Variants in SLF1 observed in about 807,000 individuals in gnomAD.
SLF1 encodes SMC5/6 complex localization factor 1.
A neutral mutation model predicts 123.0 loss-of-function variants in SLF1; 105 were observed. That is an observed-to-expected ratio of 0.85 (90% CI 0.73 to 1.00). The LOEUF (loss-of-function observed/expected upper bound fraction) is 1.00, where lower values mean the gene tolerates loss of function less well. Among genes scored for constraint, SLF1 ranks in the 50% least tolerant of loss-of-function variants. The pLI, the probability that SLF1 is intolerant of heterozygous loss-of-function variation, is 0.00. For synonymous variants in SLF1, 434 were observed against 406.6 expected, an observed-to-expected ratio of 1.07 and a Z score of -0.81; for missense variants, 1,239 against 1,223.0, an observed-to-expected ratio of 1.01 and a Z score of -0.20.
intron 8 of SLF1, 76 bp downstream of exon 8, chr5:94,653,497 G>A: frequency 8.1e-7 from 1 of 1,239,022 alleles, no homozygotes; most frequent in Non-Finnish European, 1.1e-6. Flanking sequence ...GATATATAAT[G>A]CTACATGTTT....
intron 4 of SLF1, among the ~76,000 whole-genome samples, chr5:94,638,050 A>T (rs1746013888): frequency 6.6e-6 from 1 of 152,142 alleles, no homozygotes; most frequent in Non-Finnish European, 1.5e-5. Flanking sequence ...ATAGCTTTGC[A>T]GGTGCTGTGC....
At chr5:94,691,028 C>A (rs529851626) in intron 18 of SLF1, among the ~76,000 whole-genome samples, 1 of 152,012 alleles carries the variant, frequency 6.6e-6, no homozygotes, top group African/African-American at 2.4e-5. Context: ...TATTGAGAAG[C>A]AGCAAACCAT....
intron 1 of SLF1, among the ~76,000 whole-genome samples, chr5:94,623,937 A>G (rs1042996295): frequency 6.6e-6 from 1 of 152,180 alleles, no homozygotes; most frequent in African/African-American, 2.4e-5. Context: ...TAGATCCTGT[A>G]ATACAGGTCA....
intron 5 of SLF1, 150 bp from the exon 6 acceptor site, chr5:94,649,304 C>G (rs1173211187): frequency 1.9e-6 from 1 of 520,618 alleles, no homozygotes; most frequent in African/African-American, 2.0e-5. Context: ...AGATTTTTAT[C>G]AGTGTTTAAC....
At chr5:94,631,970 C>CTTT (rs1021934536) in intron 4 of SLF1, among the ~76,000 whole-genome samples, 36 of 108,766 alleles carry the variant, frequency 3.3e-4, no homozygotes, top group South Asian at 1.3e-3. Context: ...TTTTTTCTTT[C>CTTT]TTTTTTTTTT....
At position 94,651,762 on chromosome 5, in the gene SLF1, AAAG is replaced by A; in HGVS notation, c.802_804del (p.Glu268del). ...TTCTATTTTGATTCAACATCACAAA[AAAG>A]AAAAATTCAGTGGTTCCAGTAAAGA... On this transcript the variant is annotated inframe_deletion, in exon 7 of 21. Transcript: ENST00000265140. 1 of 1,534,162 alleles carries A rather than the reference AAAG, an allele frequency of 6.5e-7. No homozygotes were observed. Among genetic ancestry groups the A allele is most frequent in the Non-Finnish European group, 8.8e-7 (1 of 1,138,432 alleles).
chr5:94,686,711 A>G lies in SLF1; in HGVS notation c.2114A>G (p.Gln705Arg), dbSNP rs374157442. Reference protein sequence around the residue: ...GSVSSEPLSLQKMVYSYLPAL... With the variant: ...GSVSSEPLSLRKMVYSYLPAL... ...GTTTCTTCTGAGCCACTCTCTCTTC[A>G]GAAAATGGTAAGTACCTCTCTATTC... Residue 705 changes from glutamine to arginine, a missense_variant, in exon 16 of 21, where the codon CAG becomes CGG. Coordinates refer to ENST00000265140, the MANE Select transcript of SLF1 (RefSeq NM_032290.4). The G allele has an allele frequency of 1.5e-5, 25 of 1,613,770 alleles. No homozygotes were observed. The African/African-American group carries it at 2.5e-4, about 16-fold the overall frequency.
rs745356130 is a variant in SLF1, at chr5:94,670,217, C to T, written c.1599C>T (p.His533=). 8 of 1,522,086 alleles carry T rather than the reference C, an allele frequency of 5.3e-6. No individual in the cohort carries two copies. The South Asian group carries it at 7.7e-5, about 15-fold the overall frequency. The allele number at this position is 1,522,086 out of a possible 1,614,324, so 94.3% of individuals were successfully genotyped here. The change falls in exon 13 of 21, where the codon CAC becomes CAT. Residue 533 remains histidine, a synonymous_variant. Transcript: ENST00000265140. ...ISENIGSKVL[H]LTLLKFFFNL... ...AAAATATTGGCTCCAAGGTGCTCCA[C>T]CTGACGCTACTCAAATTTTTCTTTA...
intron 16 of SLF1, among the ~76,000 whole-genome samples, chr5:94,687,477 C>T (rs1752571232): frequency 6.6e-6 from 1 of 152,012 alleles, no homozygotes; most frequent in Admixed American, 6.5e-5. Flanking sequence ...CAGGAGGATC[C>T]CTTGAGCCCA....
chr5:94,621,800 C>T (rs900009766), intron 1 of SLF1, among the ~76,000 whole-genome samples: 1 of 152,072 alleles, frequency 6.6e-6, no homozygotes, highest in African/African-American at 2.4e-5. Flanking sequence ...CTAATTACTG[C>T]TTCTTTCCCA....
chr5:94,672,582 GT>G (rs2152490899), intron 14 of SLF1, among the ~76,000 whole-genome samples: 1 of 151,064 alleles, frequency 6.6e-6, no homozygotes, highest in South Asian at 2.1e-4. Flanking sequence ...TAGTTCATTA[GT>G]TCTTTCTTCA....
At chr5:94,658,655 T>C (rs927595777) in intron 9 of SLF1, among the ~76,000 whole-genome samples, 4 of 152,184 alleles carry the variant, frequency 2.6e-5, no homozygotes, top group Non-Finnish European at 5.9e-5. Context: ...CCTTTGAGAA[T>C]TGAATCTATT....
chr5:94,644,222 T>G (rs142770224), intron 5 of SLF1, among the ~76,000 whole-genome samples: 22 of 152,288 alleles, frequency 1.4e-4, no homozygotes, highest in African/African-American at 5.3e-4. Context: ...TCCTCAGCAC[T>G]CCTGGAATAG....
At chr5:94,688,034 A>G (rs1169781271) in intron 16 of SLF1, among the ~76,000 whole-genome samples, 10 of 126,780 alleles carry the variant, frequency 7.9e-5, no homozygotes, top group Admixed American at 7.2e-4. Flanking sequence ...ATCTTTAGAT[A>G]TTAATATCTT....
intron 9 of SLF1, 97 bp downstream of exon 9, chr5:94,654,849 A>G (rs1225703489): frequency 2.3e-6 from 2 of 885,026 alleles, no homozygotes; most frequent in Non-Finnish European, 3.0e-6. Context: ...ATGATTCATT[A>G]GTATGTTTAA....
At chr5:94,629,195 TA>T in intron 3 of SLF1, 28 bp downstream of exon 3, 1 of 1,514,464 alleles carries the variant, frequency 6.6e-7, no homozygotes, top group South Asian at 1.3e-5. Flanking sequence ...CCCCAACTTT[TA>T]AAAACAATCT....
chr5:94,630,802 T>C, intron 4 of SLF1, 59 bp downstream of exon 4: 1 of 1,503,362 alleles, frequency 6.7e-7, no homozygotes, highest in Non-Finnish European at 8.9e-7. Context: ...TTGATTTGCA[T>C]GAGTACTTTC....
At chr5:94,646,844 TG>T (rs1747129189) in intron 5 of SLF1, among the ~76,000 whole-genome samples, 2 of 152,168 alleles carry the variant, frequency 1.3e-5, no homozygotes, top group Non-Finnish European at 2.9e-5. Flanking sequence ...CTTTGGTGAT[TG>T]TGAGAATTAT....
At chr5:94,658,540 A>G (rs1748704316) in intron 9 of SLF1, among the ~76,000 whole-genome samples, 1 of 151,666 alleles carries the variant, frequency 6.6e-6, no homozygotes, top group Non-Finnish European at 1.5e-5. Context: ...TGTCACCCTG[A>G]TTGGGATTTC....
Sources: allele counts gnomAD v4.1 joint callset (sites outside exome capture counted in the v4.1 genomes callset), GRCh38; gene constraint gnomAD v4.1.1; transcripts MANE v1.5; gene names NCBI Gene and HGNC (gene_info 2026-07-23, HGNC 2026-07-21).